Variants in KIF25 observed in about 807,000 individuals in gnomAD.
KIF25 encodes kinesin family member 25, also known as kinesin-like protein KIF25.
In KIF25, 19 loss-of-function variants were observed where a neutral mutation model predicts 32.9. That is an observed-to-expected ratio of 0.58 (90% CI 0.40 to 0.85). The LOEUF is 0.85. KIF25 is among the 40% of genes least tolerant of loss of function. KIF25 has a pLI of 0.00. For missense variants in KIF25, 485 were observed against 507.0 expected (o/e 0.96, Z 0.42); for synonymous variants, 225 against 213.7 (o/e 1.05, Z -0.46).
intron 4 of KIF25, among the ~76,000 whole-genome samples, chr6:168,005,465 T>C (rs1172699542): frequency 6.6e-6 from 1 of 152,188 alleles, no homozygotes; most frequent in African/African-American, 2.4e-5. Context: ...GCGAGGGCTG[T>C]GCTAACAGGT....
chr6:168,000,712 CG>C (rs1210760767), intron 2 of KIF25, among the ~76,000 whole-genome samples: 2 of 152,162 alleles, frequency 1.3e-5, no homozygotes, highest in Admixed American at 6.5e-5. Flanking sequence ...CTGACCCTCC[CG>C]CCACTCCAAG....
At chr6:168,014,156 C>CA (rs1384128059) in intron 4 of KIF25, among the ~76,000 whole-genome samples, 1 of 152,160 alleles carries the variant, frequency 6.6e-6, no homozygotes, top group East Asian at 1.9e-4. Flanking sequence ...AGTGAACACA[C>CA]AGAGTATTTG....
chr6:168,006,208 CTTTTTTTT>C (rs112107930), intron 4 of KIF25, among the ~76,000 whole-genome samples: 1 of 142,992 alleles, frequency 7.0e-6, no homozygotes, highest in Non-Finnish European at 1.5e-5. Flanking sequence ...TATTCTATTT[CTTTTTTTT>C]TTTTTTAGCG....
chr6:168,043,155 G>T (rs890697449), intron 12 of KIF25, among the ~76,000 whole-genome samples: 1 of 152,182 alleles, frequency 6.6e-6, no homozygotes, highest in Admixed American at 6.5e-5. Context: ...GCCAGGTGGG[G>T]CACAGGCGGC....
chr6:168,037,645 TTC>T (rs35282663), intron 8 of KIF25, among the ~76,000 whole-genome samples: 72,017 of 146,276 alleles, frequency 0.49, 17,373 homozygotes, highest in East Asian at 0.75. Flanking sequence ...AAGGTTTTAT[TTC>T]TCTCTCTCTC....
At chr6:168,024,423 C>CTTTTTTTTTT (rs56243912) in intron 5 of KIF25, among the ~76,000 whole-genome samples, 3 of 61,992 alleles carry the variant, frequency 4.8e-5, no homozygotes, top group Admixed American at 2.1e-4. Context: ...AAACCTCTCT[C>CTTTTTTTTTT]TTTTTTTTTT....
intron 4 of KIF25, among the ~76,000 whole-genome samples, chr6:168,017,690 G>A (rs1208533861): frequency 6.6e-6 from 1 of 152,166 alleles, no homozygotes; most frequent in Non-Finnish European, 1.5e-5. Flanking sequence ...CCCAGTAGAT[G>A]CGACTTTCTT....
At chr6:168,030,142 G>T (rs945963803) in intron 6 of KIF25, among the ~76,000 whole-genome samples, 1 of 152,130 alleles carries the variant, frequency 6.6e-6, no homozygotes, top group Admixed American at 6.5e-5. Context: ...TTTTTTGGAC[G>T]TTGCTTCCTA....
chr6:168,036,763 G>T (rs1339588263), intron 8 of KIF25, among the ~76,000 whole-genome samples: 2 of 152,168 alleles, frequency 1.3e-5, no homozygotes, highest in Non-Finnish European at 2.9e-5. Flanking sequence ...GGAGGAGAAT[G>T]TAAAAACTCT....
rs762347149 is a variant in KIF25, at chr6:168,044,971, C to T, written c.1130C>T (p.Thr377Met). The T allele has an allele frequency of 1.4e-5, 22 of 1,605,026 alleles. No individual in the cohort carries two copies. The highest frequency in any genetic ancestry group is 5.4e-5 in the African/African-American group (4 of 74,598). ...PARKKPPSSQ[T>M]EGKRRPD is the part of the protein sequence containing the mutation. ...CGAAAGAAGCCGCCCAGCTCCCAAA[C>T]GGAGGGGAAGAGGAGGCCGGATTGA... The change falls in exon 13 of 13, where the codon ACG (threonine) becomes ATG (methionine). Residue 377 changes from threonine (T) to methionine (M), a missense_variant. Physicochemically the swap from Thr to Met is moderately conservative, Grantham distance 81. Coordinates refer to ENST00000643607, the MANE Select transcript of KIF25 (RefSeq NM_030615.4).
chr6:168,019,136 A>G (rs1002814817), intron 5 of KIF25, among the ~76,000 whole-genome samples: 2 of 152,220 alleles, frequency 1.3e-5, no homozygotes, highest in African/African-American at 4.8e-5. Flanking sequence ...GTTGTTTCCA[A>G]GTAACTGCTG....
chr6:168,044,608 G>A (rs978521568), intron 12 of KIF25, among the ~76,000 whole-genome samples: 5 of 151,442 alleles, frequency 3.3e-5, no homozygotes, highest in Non-Finnish European at 5.9e-5. Flanking sequence ...CTAGTGACCG[G>A]CTGCTGACCC....
At chr6:168,039,065 A>G (rs968585731) in intron 9 of KIF25, among the ~76,000 whole-genome samples, 1 of 152,256 alleles carries the variant, frequency 6.6e-6, no homozygotes, top group African/African-American at 2.4e-5. Context: ...TATACCTTAA[A>G]CATACACAAT....
chr6:168,014,129 A>T (rs1360632337), intron 4 of KIF25, among the ~76,000 whole-genome samples: 1 of 152,176 alleles, frequency 6.6e-6, no homozygotes, highest in Admixed American at 6.5e-5. Flanking sequence ...GGACCTTATC[A>T]ATCCCCTCCT....
chr6:168,015,800 C>G (rs776613694), intron 4 of KIF25, among the ~76,000 whole-genome samples: 1 of 152,134 alleles, frequency 6.6e-6, no homozygotes, highest in Non-Finnish European at 1.5e-5. Context: ...TAAAATCGAA[C>G]GATCTCACTG....
intron 8 of KIF25, among the ~76,000 whole-genome samples, chr6:168,034,600 C>T (rs1277187071): frequency 2.0e-5 from 3 of 152,066 alleles, no homozygotes; most frequent in Non-Finnish European, 4.4e-5. Context: ...TACAGGGTTC[C>T]TTAGGCAGGG....
chr6:168,039,731 T>C (rs1212759366), intron 9 of KIF25, among the ~76,000 whole-genome samples: 1 of 152,200 alleles, frequency 6.6e-6, no homozygotes, highest in Non-Finnish European at 1.5e-5. Flanking sequence ...ATTTTACAAA[T>C]CAGATTTGAT....
At chr6:168,018,912 A>G (rs1034227993) in intron 5 of KIF25, among the ~76,000 whole-genome samples, 2 of 152,204 alleles carry the variant, frequency 1.3e-5, no homozygotes, top group African/African-American at 4.8e-5. Flanking sequence ...CCAGCACAGG[A>G]GCGGTAAGAA....
chr6:168,019,617 G>C (rs772564129), intron 5 of KIF25, among the ~76,000 whole-genome samples: 1 of 152,170 alleles, frequency 6.6e-6, no homozygotes, highest in African/African-American at 2.4e-5. Context: ...CTGGGCTGAC[G>C]CAAGCCCCAC....
Sources: allele counts gnomAD v4.1 joint callset (sites outside exome capture counted in the v4.1 genomes callset), GRCh38; gene constraint gnomAD v4.1.1; transcripts MANE v1.5; gene names NCBI Gene and HGNC (gene_info 2026-07-23, HGNC 2026-07-21).